KCNH7: variants seen among roughly 807,000 people sequenced by gnomAD.
KCNH7 encodes the protein voltage-gated inwardly rectifying potassium channel KCNH7.
KCNH7 carries 49 observed loss-of-function variants against 120.8 expected under a neutral mutation model. That is an observed-to-expected ratio of 0.41 (90% CI 0.32 to 0.51). The LOEUF is 0.51. KCNH7 is among the 20% of genes least tolerant of loss of function. The pLI is 0.38. For missense variants in KCNH7, 1,097 were observed against 1,446.6 expected, an observed-to-expected ratio of 0.76 and a Z score of 3.92; for synonymous variants, 547 against 516.1, an observed-to-expected ratio of 1.06 and a Z score of -0.81.
At chr2:162,617,843 C>T (rs6709974) in intron 2 of KCNH7, among the ~76,000 whole-genome samples, 76,961 of 151,744 alleles carry the variant, frequency 0.51, 19,719 homozygotes, top group Middle Eastern at 0.61. Flanking sequence ...AATCTTCTGC[C>T]GTCATTAAAA....
intron 2 of KCNH7, among the ~76,000 whole-genome samples, chr2:162,791,009 T>C (rs1231773895): frequency 6.6e-6 from 1 of 152,076 alleles, no homozygotes; most frequent in African/African-American, 2.4e-5. Context: ...GCATCTTCAT[T>C]TGAAGGGAAG....
chr2:162,614,075 T>G (rs73028514), intron 2 of KCNH7, among the ~76,000 whole-genome samples: 4,272 of 152,098 alleles, frequency 0.028, 220 homozygotes, highest in African/African-American at 0.098. Context: ...TAATTGGCAA[T>G]AACTTAAAGA....
intron 3 of KCNH7, among the ~76,000 whole-genome samples, chr2:162,528,882 A>C (rs1243596881): frequency 6.6e-6 from 1 of 151,992 alleles, no homozygotes; most frequent in Non-Finnish European, 1.5e-5. Flanking sequence ...GATGTGTTTC[A>C]TAGACTTGGC....
At chr2:162,752,204 A>C (rs1472294960) in intron 2 of KCNH7, among the ~76,000 whole-genome samples, 1 of 152,184 alleles carries the variant, frequency 6.6e-6, no homozygotes, top group Non-Finnish European at 1.5e-5. Flanking sequence ...AAATTAGCCT[A>C]GGTCAGAGAC....
chr2:162,812,158 A>G (rs1386133165), intron 2 of KCNH7, among the ~76,000 whole-genome samples: 1 of 152,154 alleles, frequency 6.6e-6, no homozygotes, highest in Non-Finnish European at 1.5e-5. Context: ...CAGGGTGCAG[A>G]CTAGAGGTAA....
At chr2:162,629,352 C>T (rs1351938727) in intron 2 of KCNH7, among the ~76,000 whole-genome samples, 2 of 152,086 alleles carry the variant, frequency 1.3e-5, no homozygotes, top group Non-Finnish European at 2.9e-5. Flanking sequence ...TCTTCCCCCA[C>T]CATCGCTGTC....
intron 2 of KCNH7, among the ~76,000 whole-genome samples, chr2:162,649,862 A>G (rs937025255): frequency 1.3e-5 from 2 of 152,184 alleles, no homozygotes; most frequent in African/African-American, 2.4e-5. Flanking sequence ...AGCAATAACA[A>G]TATATCATTA....
At chr2:162,594,969 G>T (rs905335576) in intron 2 of KCNH7, among the ~76,000 whole-genome samples, 16 of 151,996 alleles carry the variant, frequency 1.1e-4, no homozygotes, top group Non-Finnish European at 2.4e-4. Context: ...TTTATCCCAG[G>T]GATGCAAGGA....
chr2:162,561,662 A>G (rs1018919991), intron 2 of KCNH7, among the ~76,000 whole-genome samples: 3 of 152,026 alleles, frequency 2.0e-5, no homozygotes, highest in African/African-American at 4.8e-5. Flanking sequence ...GCTTTTTTTC[A>G]TATGTTCGTT....
intron 6 of KCNH7, among the ~76,000 whole-genome samples, chr2:162,488,237 A>T (rs975639664): frequency 1.3e-5 from 2 of 152,156 alleles, no homozygotes; most frequent in African/African-American, 4.8e-5. Flanking sequence ...AATTTTACCT[A>T]ATTTTACCTC....
intron 2 of KCNH7, among the ~76,000 whole-genome samples, chr2:162,758,108 C>T (rs533643515): frequency 3.3e-5 from 5 of 152,166 alleles, no homozygotes; most frequent in South Asian, 2.1e-4. Flanking sequence ...GATCTGTTGT[C>T]GCTAAAACAT....
At chr2:162,830,253 C>G (rs1487280268) in intron 2 of KCNH7, among the ~76,000 whole-genome samples, 5 of 152,126 alleles carry the variant, frequency 3.3e-5, no homozygotes, top group African/African-American at 1.2e-4. Flanking sequence ...TAAAGAAAAA[C>G]TTCTAAAGAC....
Position 162,584,614 on chromosome 2 carries a change from A to G in KCNH7, c.308-47534T>C, listed in dbSNP as rs540441775. On this transcript the variant is annotated intron_variant, in intron 2 of 15. Coordinates refer to ENST00000332142, the MANE Select transcript of KCNH7 (RefSeq NM_033272.4). ...GTGGAAGTATTTGAGAAGCTATGCC[A>G]GGGAGAACTCACCCTTTAGTCTTTA... Among the ~76,000 whole-genome samples, 74 of 152,210 alleles carry G rather than the reference A, an allele frequency of 4.9e-4. 2 individuals carry two copies. The South Asian group carries it at 5.4e-3, about 11-fold the overall frequency.
At chr2:162,542,879 T>C (rs925351185) in intron 2 of KCNH7, among the ~76,000 whole-genome samples, 3 of 152,138 alleles carry the variant, frequency 2.0e-5, no homozygotes, top group Non-Finnish European at 4.4e-5. Context: ...AGTGTAAAAT[T>C]GTTCCTATTT....
At chr2:162,540,905 A>G in intron 2 of KCNH7, among the ~76,000 whole-genome samples, 1 of 152,118 alleles carries the variant, frequency 6.6e-6, no homozygotes, top group East Asian at 1.9e-4. Flanking sequence ...AGTTTGGCCC[A>G]GGGTGTTGTT....
Position 162,686,781 on chromosome 2 carries a change from C to T in KCNH7, c.308-149701G>A, listed in dbSNP as rs536764113. 5.9e-5 allele frequency among the ~76,000 whole-genome samples: 9 copies of T among 152,182 alleles called. No homozygotes were observed. In the South Asian group the frequency reaches 1.7e-3, roughly 28 times the overall value. On this transcript the variant is annotated intron_variant, in intron 2 of 15. Transcript: ENST00000332142. ...GCCTGAACCAGTTTCACAGACAAACCTACCAAGGTCAAAAAAGTTCTTGAG... is the reference window on the plus strand; with the variant it reads ...GCCTGAACCAGTTTCACAGACAAACTTACCAAGGTCAAAAAAGTTCTTGAG...
chr2:162,696,275 T>C (rs1686283030), intron 2 of KCNH7, among the ~76,000 whole-genome samples: 3 of 152,204 alleles, frequency 2.0e-5, no homozygotes, highest in African/African-American at 4.8e-5. Context: ...AGATTTACTA[T>C]GCAAAAATAT....
intron 2 of KCNH7, among the ~76,000 whole-genome samples, chr2:162,714,358 C>A (rs565990486): frequency 4.9e-4 from 75 of 152,146 alleles, no homozygotes; most frequent in Non-Finnish European, 8.7e-4. Context: ...ACAGGGATAG[C>A]CAGCTAGTGT....
At chr2:162,525,991 C>T (rs1691691595) in intron 3 of KCNH7, among the ~76,000 whole-genome samples, 1 of 151,878 alleles carries the variant, frequency 6.6e-6, no homozygotes, top group Admixed American at 6.6e-5. Flanking sequence ...AAATTCACCC[C>T]CAATATTTCA....
Sources: allele counts gnomAD v4.1 joint callset (sites outside exome capture counted in the v4.1 genomes callset), GRCh38; gene constraint gnomAD v4.1.1; transcripts MANE v1.5; gene names NCBI Gene and HGNC (gene_info 2026-07-23, HGNC 2026-07-21).